ABCC8: variants seen among roughly 807,000 people sequenced by gnomAD.
ABCC8 encodes ATP binding cassette subfamily C member 8, also known as ATP-binding cassette sub-family C member 8.
ABCC8 carries 137 observed loss-of-function variants against 188.0 expected under a neutral mutation model. The ratio of observed to expected loss-of-function variants is 0.73; its 90% CI spans 0.63 to 0.84. The LOEUF (loss-of-function observed/expected upper bound fraction) is 0.84. Among genes scored for constraint, ABCC8 ranks in the 40% least tolerant of loss-of-function variants. The probability of loss-of-function intolerance (pLI) is 0.00; values close to 1 mark genes in which losing one functional copy is unlikely to be tolerated. For missense variants in ABCC8, 1,750 were observed against 2,072.7 expected (o/e 0.84, Z 3.02); for synonymous variants, 797 against 846.5 (o/e 0.94, Z 1.01).
rs376023733 is a variant in ABCC8, at chr11:17,398,298, C to T, written c.3753+41G>A. 7.1e-5 allele frequency: 115 copies of T among 1,610,810 alleles called. No homozygotes were observed. The African/African-American group carries it at 1.4e-3, about 19-fold the overall frequency. On this transcript the variant is annotated intron_variant, in intron 30 of 38. Coordinates refer to ENST00000389817, the MANE Select transcript of ABCC8 (RefSeq NM_000352.6). ...CCTGTGTGCTCTTGCTCTGGCCCCA[C>T]CCTCCTATCAGAGGCCAGGGTAGAG...
At position 17,420,250 on chromosome 11, in the gene ABCC8, C is replaced by G. The variant is rs12276150; in HGVS notation, c.2223-3288G>C. Among the ~76,000 whole-genome samples, 526 of 152,322 alleles carry G rather than the reference C, an allele frequency of 3.5e-3. 1 individual carries two copies. Among genetic ancestry groups the G allele is most frequent in the African/African-American group, 0.012 (506 of 41,556 alleles). ...CCACAGCATCCTTTCCAATTGATGT[C>G]ATTGGGTCCCATTGCCAAATCTCTG... On this transcript the variant is annotated intron_variant, in intron 16 of 38. Coordinates refer to ENST00000389817, the MANE Select transcript of ABCC8 (RefSeq NM_000352.6).
intron 29 of ABCC8, among the ~76,000 whole-genome samples, chr11:17,402,362 C>A (rs1256696158): frequency 6.6e-6 from 1 of 152,144 alleles, no homozygotes; most frequent in African/African-American, 2.4e-5. Flanking sequence ...GCACCTAAGG[C>A]CCTTTCTAGC....
Position 17,428,592 on chromosome 11 carries a change from C to T in ABCC8, c.1896G>A (p.Gln632=). 1 of 1,614,130 alleles carries T rather than the reference C, an allele frequency of 6.2e-7. No individual in the cohort carries two copies. Among genetic ancestry groups the T allele is most frequent in the Non-Finnish European group, 8.5e-7 (1 of 1,180,024 alleles). The change falls in exon 13 of 39, where the codon CAG becomes CAA. Residue 632 remains glutamine (Q), a synonymous_variant. Coordinates refer to ENST00000389817, the MANE Select transcript of ABCC8 (RefSeq NM_000352.6). ...EQCAPHEPTP[Q]GPASKYQAVP... ...CCGCCTGGTACTTGCTGGCTGGGCC[C>T]TGAGGTGTGGGCTCATGGGGGGCAC...
chr11:17,395,688 G>A lies in ABCC8; in HGVS notation c.4229C>T (p.Ala1410Val), dbSNP rs1163768796. ...GCGCAGGGTGTGCAGCGGCAGTTTG[G>A]CGATGTCAATGCCATCAATGATGAT... ...GHIIIDGIDI[A>V]KLPLHTLRSR... Residue 1410 changes from alanine (A) to valine (V), a missense_variant, in exon 35 of 39, where the codon GCC becomes GTC. Transcript: ENST00000389817. The A allele has an allele frequency of 6.4e-7, 1 of 1,559,194 alleles. No homozygotes were observed. Among genetic ancestry groups the A allele is most frequent in the Non-Finnish European group, 8.7e-7 (1 of 1,151,144 alleles).
At chr11:17,470,255 G>C (rs780971077) in intron 2 of ABCC8, 33 bp from the exon 3 acceptor site, 9 of 1,613,406 alleles carry the variant, frequency 5.6e-6, no homozygotes, top group Non-Finnish European at 7.6e-6. Flanking sequence ...ACAGGATGGG[G>C]ACATGCTAAG....
intron 16 of ABCC8, among the ~76,000 whole-genome samples, chr11:17,423,699 A>C (rs1236749230): frequency 6.6e-6 from 1 of 152,196 alleles, no homozygotes; most frequent in African/African-American, 2.4e-5. Flanking sequence ...AAGGAGAGTA[A>C]GTGTTGATAA....
chr11:17,428,400 G>A lies in ABCC8; in HGVS notation c.1929C>T (p.Leu643=), dbSNP rs2133538210. 6.2e-7 allele frequency: 1 copy of A among 1,613,088 alleles called. No homozygotes were observed. Among genetic ancestry groups the A allele is most frequent in the Non-Finnish European group, 8.5e-7 (1 of 1,179,224 alleles). Reference sequence around the variant, plus strand: ...CTGGACGCTTGCGGTTCACAACCCTGAGGGGCTGGGGGTGGTTTGGAGGTG... The same window carrying A: ...CTGGACGCTTGCGGTTCACAACCCTAAGGGGCTGGGGGTGGTTTGGAGGTG... ...GPASKYQAVP[L]RVVNRKRPAR... Residue 643 remains leucine (L), a synonymous_variant, in exon 14 of 39, where the codon CTC becomes CTT. Transcript: ENST00000389817.
At chr11:17,397,379 G>C in intron 31 of ABCC8, 66 bp from the exon 32 acceptor site, 1 of 1,600,382 alleles carries the variant, frequency 6.2e-7, no homozygotes, top group Non-Finnish European at 8.5e-7. Flanking sequence ...CCACCAGAAT[G>C]GCTCTTCTTA....
Position 17,446,883 on chromosome 11 carries a change from G to A in ABCC8, c.1332+1633C>T, listed in dbSNP as rs146165744. Among the ~76,000 whole-genome samples, 16 of 152,240 alleles carry A rather than the reference G, an allele frequency of 1.1e-4. No homozygotes were observed. In the East Asian group the frequency reaches 2.7e-3, roughly 26 times the overall value. ...CCAATACAAATCACTGGAGATGAAG[G>A]TTTATGGAATCTTTATCCCAAGAAG... On this transcript the variant is annotated intron_variant, in intron 8 of 38. Coordinates refer to ENST00000389817, the MANE Select transcript of ABCC8 (RefSeq NM_000352.6).
At chr11:17,402,579 T>C (rs1032381571) in intron 29 of ABCC8, 82 bp downstream of exon 29, 1 of 1,613,056 alleles carries the variant, frequency 6.2e-7, no homozygotes, top group African/African-American at 1.3e-5. Context: ...CCAAGTGGAG[T>C]CCTGAGAATC....
chr11:17,451,398 T>C (rs1431567410), intron 7 of ABCC8, among the ~76,000 whole-genome samples: 2 of 152,220 alleles, frequency 1.3e-5, no homozygotes, highest in Non-Finnish European at 2.9e-5. Flanking sequence ...CCTGAGGAAA[T>C]ACTCTGCTTT....
chr11:17,472,881 C>A (rs1255676795), intron 2 of ABCC8, among the ~76,000 whole-genome samples: 1 of 152,158 alleles, frequency 6.6e-6, no homozygotes, highest in African/African-American at 2.4e-5. Context: ...CCCCATGAAG[C>A]AGGCAAGCCA....
chr11:17,401,372 C>T (rs1312181473), intron 29 of ABCC8, among the ~76,000 whole-genome samples: 2 of 152,190 alleles, frequency 1.3e-5, no homozygotes, highest in African/African-American at 4.8e-5. Flanking sequence ...GGAGCAGCGC[C>T]AAGGCCAGGG....
At chr11:17,392,730 G>A, downstream of ABCC8, 1 of 533,638 alleles carries the variant, frequency 1.9e-6, no homozygotes. Context: ...GTGATATGTT[G>A]TTGTGGCAGC....
Position 17,443,328 on chromosome 11 carries a change from TG to T in ABCC8, c.1333-17del. The T allele has an allele frequency of 6.2e-7, 1 of 1,614,022 alleles. No individual in the cohort carries two copies. The highest frequency in any genetic ancestry group is 8.5e-7 in the Non-Finnish European group (1 of 1,180,002). ...CCACAATGATCTGAGGAAGGGGTCA[TG>T]GGTCAGGTCCCTTTGACCTGATGGT... On this transcript the variant is annotated splice_polypyrimidine_tract_variant and intron_variant, in intron 8 of 38. Transcript: ENST00000389817.
At chr11:17,408,156 C>A (rs1315137714) in intron 23 of ABCC8, 1 of 438,342 alleles carries the variant, frequency 2.3e-6, no homozygotes, top group Non-Finnish European at 4.1e-6. Flanking sequence ...AACTTTGCAA[C>A]TAAATAGTAT....
chr11:17,447,747 G>A (rs996178763), intron 8 of ABCC8, among the ~76,000 whole-genome samples: 2 of 152,240 alleles, frequency 1.3e-5, no homozygotes, highest in East Asian at 1.9e-4. Context: ...CTATAGTTGT[G>A]AGCCACCACT....
At chr11:17,441,978 G>A (rs1956334079) in intron 10 of ABCC8, among the ~76,000 whole-genome samples, 1 of 152,130 alleles carries the variant, frequency 6.6e-6, no homozygotes, top group Non-Finnish European at 1.5e-5. Flanking sequence ...TACATGGGAG[G>A]CTGAGGCAGG....
intron 29 of ABCC8, 65 bp from the exon 30 acceptor site, chr11:17,398,506 C>G: frequency 6.2e-7 from 1 of 1,601,402 alleles, no homozygotes; most frequent in Non-Finnish European, 8.5e-7. Context: ...AGGAGTCTCC[C>G]TACCTGCAGA....
Sources: gnomAD v4.1 joint callset for allele counts (sites outside exome capture counted in the v4.1 genomes callset) on GRCh38, gnomAD v4.1.1 for gene constraint, MANE v1.5 for transcripts, NCBI Gene and HGNC (gene_info 2026-07-23, HGNC 2026-07-21) for gene names.